Variants in PHYHIP observed in about 807,000 individuals in gnomAD.
PHYHIP encodes the protein phytanoyl-CoA hydroxylase-interacting protein.
A neutral mutation model predicts 26.1 loss-of-function variants in PHYHIP; 7 were observed. The observed-to-expected ratio is 0.27, with a 90% CI of 0.15 to 0.50. PHYHIP has a LOEUF of 0.50. PHYHIP is among the 20% of genes least tolerant of loss of function. PHYHIP has a pLI of 0.98. For missense variants in PHYHIP, 232 were observed against 454.7 expected (o/e 0.51, Z 4.45); for synonymous variants, 206 against 183.4 (o/e 1.12, Z -1.00).
chr8:22,223,101 G>A (rs1829665208), intron 4 of PHYHIP, among the ~76,000 whole-genome samples: 1 of 151,774 alleles, frequency 6.6e-6, no homozygotes, highest in African/African-American at 2.4e-5. Context: ...GGTGGCTCAT[G>A]CCTGTAATCC....
chr8:22,227,446 C>T (rs759004233), intron 2 of PHYHIP, among the ~76,000 whole-genome samples: 3 of 152,194 alleles, frequency 2.0e-5, no homozygotes, highest in East Asian at 3.9e-4. Context: ...TTCACGTCAC[C>T]GTGGCAACTG....
Position 22,221,111 on chromosome 8 carries a change from C to G in PHYHIP, c.*242G>C. 4 of 478,792 alleles carry G rather than the reference C, an allele frequency of 8.4e-6. No individual in the cohort carries two copies. Among genetic ancestry groups the G allele is most frequent in the Non-Finnish European group, 1.5e-5 (4 of 270,836 alleles). 29.7% of individuals were successfully genotyped at this position (478,792 alleles called of 1,614,324 possible). ...AGGAAAGGGGAAGTTCTCCAGAAGT[C>G]CAGCCCAGCTGCCAACTACAGAGGC... On this transcript the variant is annotated 3_prime_UTR_variant, in exon 5 of 5. Coordinates refer to ENST00000454243, the MANE Select transcript of PHYHIP (RefSeq NM_014759.5). The surrounding 1 kb of genome is among the most constrained non-coding windows in gnomAD (Gnocchi z 7.9).
At chr8:22,229,317 C>T (rs4872428) in intron 1 of PHYHIP, among the ~76,000 whole-genome samples, 1 of 151,964 alleles carries the variant, frequency 6.6e-6, no homozygotes, top group African/African-American at 2.4e-5. Flanking sequence ...ACATGTGTGG[C>T]GTGTGTGCAT....
chr8:22,229,773 C>T (rs1829831084), intron 1 of PHYHIP, among the ~76,000 whole-genome samples: 2 of 152,324 alleles, frequency 1.3e-5, no homozygotes, highest in South Asian at 4.1e-4. Flanking sequence ...GCATCTTGTG[C>T]CTGCAAAAGC....
chr8:22,229,785 G>C (rs989606732), intron 1 of PHYHIP, among the ~76,000 whole-genome samples: 1 of 152,194 alleles, frequency 6.6e-6, no homozygotes. Flanking sequence ...TGCAAAAGCA[G>C]GTACTTTTAT....
rs1829606663 is a variant in PHYHIP, at chr8:22,220,873, CA to C, written c.*479del. ...AGTGGGAAGCCCCAGAGACCCAGCT[CA>C]GCAGGGAGGGGGCATTCTGTGGTTG... is the stretch of plus-strand genomic sequence containing the variant. On this transcript the variant is annotated 3_prime_UTR_variant, in exon 5 of 5. Transcript: ENST00000454243. 1 of 156,234 alleles carries C rather than the reference CA, an allele frequency of 6.4e-6. No homozygotes were observed. The highest frequency in any genetic ancestry group is 6.3e-5 in the Admixed American group (1 of 15,878). The allele number at this position is 156,234 out of a possible 1,614,324, so 9.7% of individuals were successfully genotyped here. A position where few individuals can be genotyped will look rare whatever the true frequency, so the allele number is the denominator to read the frequency against.
rs1175638797 is a variant in PHYHIP at position 22,226,892 on chromosome 8, A to T, written c.299T>A (p.Leu100Gln). 3.7e-6 allele frequency: 6 copies of T among 1,613,918 alleles called. No homozygotes were observed. In the African/African-American group the frequency reaches 5.3e-5, roughly 14 times the overall value. Residue 100 changes from leucine to glutamine, a missense_variant, in exon 3 of 5, where the codon CTG (leucine) becomes CAG (glutamine). By Grantham distance (113) the Leu-to-Gln change is moderately radical. Coordinates refer to ENST00000454243, the MANE Select transcript of PHYHIP (RefSeq NM_014759.5). ...CACCGTCTCGCTCCAGCCGGACACC[A>T]GGTACTCCCCATCGCTCTGCTTCAC... ...TAVKQSDGEY[L>Q]VSGWSETVEF... is the part of the protein sequence containing the mutation.
In PHYHIP at chr8:22,221,467, G is replaced by A. The variant is rs368773110; in HGVS notation, c.879C>T (p.Asp293=). ...ILEIIYTEPV[D]LSLGTLGEIS... ...TCTCCCCCAGGGTGCCCAGGGACAG[G>A]TCGACGGGCTCAGTGTAGATGATCT... The change falls in exon 5 of 5, where the codon GAC becomes GAT. Residue 293 remains aspartate, a synonymous_variant. Transcript: ENST00000454243. This position sits in a 1 kb window ranked among gnomAD's most constrained non-coding sequence, Gnocchi z 7.9. 9 of 1,614,062 alleles carry A rather than the reference G, an allele frequency of 5.6e-6. No homozygotes were observed. Among genetic ancestry groups the A allele is most frequent in the East Asian group, 2.2e-5 (1 of 44,902 alleles).
chr8:22,224,270 G>C lies in PHYHIP; in HGVS notation c.414C>G (p.Ser138=), dbSNP rs766855047. Residue 138 remains serine, a synonymous_variant, in exon 4 of 5, where the codon TCC becomes TCG. Coordinates refer to ENST00000454243, the MANE Select transcript of PHYHIP (RefSeq NM_014759.5). ...EQIAGRMLRF[S]VFYRNHHKEY... ...CCTTGTGATGGTTGCGGTAGAAGAC[G>C]GAGAAGCGGAGCATGCGGCCTGCGA... is the stretch of plus-strand genomic sequence containing the variant. 1 of 1,612,646 alleles carries C rather than the reference G, an allele frequency of 6.2e-7. No individual in the cohort carries two copies. Among genetic ancestry groups the C allele is most frequent in the South Asian group, 1.1e-5 (1 of 91,054 alleles).
intron 3 of PHYHIP, among the ~76,000 whole-genome samples, chr8:22,224,811 G>A (rs935527984): frequency 2.6e-5 from 4 of 152,174 alleles, no homozygotes; most frequent in Admixed American, 2.0e-4. Flanking sequence ...TACAGGTGAC[G>A]GCTCGTGAGG....
intron 1 of PHYHIP, among the ~76,000 whole-genome samples, chr8:22,230,280 G>A (rs1006792597): frequency 1.3e-5 from 2 of 151,520 alleles, no homozygotes; most frequent in African/African-American, 2.4e-5. Flanking sequence ...CCACCCACAC[G>A]CTCGGAGGCA....
chr8:22,223,360 CAAAAAAAAAA>C (rs750178076), intron 4 of PHYHIP, among the ~76,000 whole-genome samples: 1 of 62,066 alleles, frequency 1.6e-5, no homozygotes, highest in Non-Finnish European at 3.7e-5. Flanking sequence ...GACGCCATCT[CAAAAAAAAAA>C]AAAAAAAAAA....
At chr8:22,224,713 G>A (rs1829706858) in intron 3 of PHYHIP, among the ~76,000 whole-genome samples, 1 of 152,156 alleles carries the variant, frequency 6.6e-6, no homozygotes, top group Non-Finnish European at 1.5e-5. Flanking sequence ...GACTTGAGAC[G>A]GGAGGGCTTG....
intron 1 of PHYHIP, among the ~76,000 whole-genome samples, chr8:22,231,435 A>C (rs998588277): frequency 1.3e-5 from 2 of 152,202 alleles, no homozygotes; most frequent in Non-Finnish European, 2.9e-5. Context: ...TATCTGCGCC[A>C]GCAAGCCTCC....
Position 22,219,967 on chromosome 8 carries a change from A to T in PHYHIP, c.*1386T>A, listed in dbSNP as rs1829580587. On this transcript the variant is annotated 3_prime_UTR_variant, in exon 5 of 5. Coordinates refer to ENST00000454243, the MANE Select transcript of PHYHIP (RefSeq NM_014759.5). ...GCCACACAACTGCCCCTGGCTACAG[A>T]TAGGTGACCGTTGTCCACCTGTCCC... 6.6e-6 allele frequency: 1 copy of T among 152,386 alleles called. No homozygotes were observed. The allele number at this position is 152,386 out of a possible 1,614,324, so 9.4% of individuals were successfully genotyped here.
In PHYHIP at chr8:22,220,030, C is replaced by T. The variant is rs1404166897; in HGVS notation, c.*1323G>A. The T allele has an allele frequency of 1.3e-5, 2 of 152,504 alleles. No individual in the cohort carries two copies. Among genetic ancestry groups the T allele is most frequent in the East Asian group, 1.9e-4 (1 of 5,206 alleles). The allele number at this position is 152,504 out of a possible 1,614,324, so 9.4% of individuals were successfully genotyped here. A position where few individuals can be genotyped will look rare whatever the true frequency, so the allele number is the denominator to read the frequency against. On this transcript the variant is annotated 3_prime_UTR_variant, in exon 5 of 5. Transcript: ENST00000454243. Reference sequence around the variant, plus strand: ...GGCCTTGCCGGCCCGCTGCTGCTTCCGTCCTTCATCACGAAAATCCAGCTG... The same window carrying T: ...GGCCTTGCCGGCCCGCTGCTGCTTCTGTCCTTCATCACGAAAATCCAGCTG...
chr8:22,226,227 C>T (rs1280074199), intron 3 of PHYHIP, among the ~76,000 whole-genome samples: 3 of 152,144 alleles, frequency 2.0e-5, no homozygotes, highest in Non-Finnish European at 4.4e-5. Flanking sequence ...AAAATGTGGT[C>T]TATCCATACA....
At position 22,221,377 on chromosome 8, in the gene PHYHIP, G is replaced by C. The variant is rs1294148420; in HGVS notation, c.969C>G (p.Thr323=). The change falls in exon 5 of 5, where the codon ACC becomes ACG. Residue 323 remains threonine (T), a synonymous_variant. Transcript: ENST00000454243. The surrounding 1 kb of genome is among the most constrained non-coding windows in gnomAD (Gnocchi z 7.9). The stretch of plus-strand genomic sequence containing the variant: ...CCTAGCGGCCCACGCTGATGTTGCA[G>C]GTCTTGCAGCTGGGGTCCTTCTTGG... ...ADAKKDPSCK[T]CNISVGR is the part of the protein sequence containing the mutation. The C allele has an allele frequency of 6.3e-7, 1 of 1,599,112 alleles. No individual in the cohort carries two copies. The highest frequency in any genetic ancestry group is 2.2e-5 in the East Asian group (1 of 44,552).
intron 3 of PHYHIP, 30 bp from the exon 4 acceptor site, chr8:22,224,373 C>G: frequency 7.6e-7 from 1 of 1,323,038 alleles, no homozygotes; most frequent in Non-Finnish European, 1.1e-6. Flanking sequence ...GTAGGTGAGC[C>G]GAGGGCCAGC....
Sources: gnomAD v4.1 joint callset for allele counts (sites outside exome capture counted in the v4.1 genomes callset) on GRCh38, gnomAD v4.1.1 for gene constraint, Gnocchi (gnomAD v3.1) non-coding constraint, MANE v1.5 for transcripts, NCBI Gene and HGNC (gene_info 2026-07-23, HGNC 2026-07-21) for gene names.